Variants in SLC2A12 observed in about 807,000 individuals in gnomAD.
SLC2A12 encodes solute carrier family 2, facilitated glucose transporter member 12.
In SLC2A12, 23 loss-of-function variants were observed where a neutral mutation model predicts 41.8. The ratio of observed to expected loss-of-function variants is 0.55; its 90% CI spans 0.40 to 0.78. The LOEUF (loss-of-function observed/expected upper bound fraction) is 0.78. Ranked by LOEUF, SLC2A12 falls within the 30% of genes least tolerant of loss-of-function variation. The pLI is 0.00. For synonymous variants in SLC2A12, 295 were observed against 285.9 expected (o/e 1.03, Z -0.32); for missense variants, 654 against 745.6 (o/e 0.88, Z 1.43).
At chr6:134,047,602 A>C (rs542109534) in intron 1 of SLC2A12, among the ~76,000 whole-genome samples, 4 of 152,308 alleles carry the variant, frequency 2.6e-5, no homozygotes, top group African/African-American at 9.6e-5. Flanking sequence ...AGACCACTAA[A>C]GACCACCCTC....
At chr6:134,024,393 C>T (rs1777086555) in intron 2 of SLC2A12, among the ~76,000 whole-genome samples, 1 of 152,236 alleles carries the variant, frequency 6.6e-6, no homozygotes, top group African/African-American at 2.4e-5. Flanking sequence ...CATACTTCTT[C>T]ACCAGCTTCC....
At chr6:134,007,079 G>T in intron 2 of SLC2A12, 145 bp from the exon 3 acceptor site, 1 of 1,140,748 alleles carries the variant, frequency 8.8e-7, no homozygotes. Flanking sequence ...AGCAGAACAG[G>T]ACAGTAAAGG....
intron 1 of SLC2A12, among the ~76,000 whole-genome samples, chr6:134,047,133 A>G (rs890718994): frequency 3.3e-5 from 5 of 152,312 alleles, no homozygotes; most frequent in Non-Finnish European, 5.9e-5. Flanking sequence ...TTCCTTTCTC[A>G]TCACCATAAC....
At chr6:134,017,370 G>A (rs1776975558) in intron 2 of SLC2A12, among the ~76,000 whole-genome samples, 1 of 152,136 alleles carries the variant, frequency 6.6e-6, no homozygotes, top group Admixed American at 6.5e-5. Flanking sequence ...TCCCAGACTA[G>A]GGAGCTCCCC....
In SLC2A12 at chr6:134,016,285, A is replaced by AAAAT. The variant is rs545212628; in HGVS notation, c.1445-9355_1445-9352dup. On this transcript the variant is annotated intron_variant, in intron 2 of 4. Transcript: ENST00000275230. ...TCTCCTAGAAAAAATAACAAAAGAA[A>AAAAT]AAATAAATAAATAAATAAATAAATA... Among the ~76,000 whole-genome samples the AAAAT allele has an allele frequency of 1.4e-3, 217 of 152,008 alleles. 1 individual carries two copies. The East Asian group carries it at 0.017, about 12-fold the overall frequency.
intron 3 of SLC2A12, among the ~76,000 whole-genome samples, chr6:134,003,178 C>T (rs1337865341): frequency 3.3e-5 from 5 of 152,148 alleles, no homozygotes; most frequent in Non-Finnish European, 7.3e-5. Context: ...AACTACTTGT[C>T]GGTGAGTTGT....
At chr6:134,038,151 GT>G (rs1422485812) in intron 1 of SLC2A12, among the ~76,000 whole-genome samples, 4 of 151,966 alleles carry the variant, frequency 2.6e-5, no homozygotes, top group African/African-American at 9.7e-5. Context: ...TTCTTTGTTA[GT>G]TTTCCAACCC....
chr6:134,030,049 T>A (rs1193091647), intron 1 of SLC2A12, among the ~76,000 whole-genome samples: 3 of 152,298 alleles, frequency 2.0e-5, no homozygotes, highest in Middle Eastern at 3.4e-3. Flanking sequence ...AACAAGAACA[T>A]CATTTGGTTC....
At position 133,990,921 on chromosome 6, in the gene SLC2A12, C is replaced by T. The variant is rs749547271; in HGVS notation, c.*234G>A. The T allele has an allele frequency of 5.8e-4, 238 of 407,128 alleles. No homozygotes were observed. The highest frequency in any genetic ancestry group is 7.4e-4 in the Non-Finnish European group (173 of 233,750). The allele number at this position is 407,128 out of a possible 1,614,324, so 25.2% of individuals were successfully genotyped here. Reference sequence around the variant, plus strand: ...CCAGCCAGTAACTTTTTTTTTTTAACCTGATATCCTGCTCAGAAAAAGAGA... The same window carrying T: ...CCAGCCAGTAACTTTTTTTTTTTAATCTGATATCCTGCTCAGAAAAAGAGA... On this transcript the variant is annotated 3_prime_UTR_variant, in exon 5 of 5. Coordinates refer to ENST00000275230, the MANE Select transcript of SLC2A12 (RefSeq NM_145176.3).
intron 4 of SLC2A12, among the ~76,000 whole-genome samples, chr6:133,997,699 T>C (rs1776712878): frequency 6.6e-6 from 1 of 152,194 alleles, no homozygotes; most frequent in Non-Finnish European, 1.5e-5. Context: ...TATTGGGTAC[T>C]ATGTTCACTA....
Position 134,029,116 on chromosome 6 carries a change from G to A in SLC2A12, c.709C>T (p.Leu237Phe), listed in dbSNP as rs761305295. 56 of 1,614,000 alleles carry A rather than the reference G, an allele frequency of 3.5e-5. No individual in the cohort carries two copies. The highest frequency in any genetic ancestry group is 4.3e-5 in the Non-Finnish European group (51 of 1,180,048). ...KGQEGAASKVLGRLRALSDTT... is the reference protein window; with the variant it reads ...KGQEGAASKVFGRLRALSDTT... ...TCTGAGAGTGCTCTTAACCTTCCAA[G>A]AACCTTGCTAGCAGCTCCCTCTTGT... The change falls in exon 2 of 5, where the codon CTT (leucine) becomes TTT (phenylalanine). Residue 237 changes from leucine (L) to phenylalanine (F), a missense_variant. Physicochemically the swap from Leu to Phe is conservative, Grantham distance 22. Transcript: ENST00000275230.
intron 1 of SLC2A12, among the ~76,000 whole-genome samples, chr6:134,032,180 T>A (rs994233237): frequency 1.3e-5 from 2 of 151,620 alleles, no homozygotes; most frequent in African/African-American, 4.9e-5. Flanking sequence ...AGGATCCTAG[T>A]AGGCTATGGG....
chr6:134,029,018 A>T lies in SLC2A12; in HGVS notation c.807T>A (p.Phe269Leu), dbSNP rs758197189. The T allele has an allele frequency of 6.2e-7, 1 of 1,614,240 alleles. No homozygotes were observed. The highest frequency in any genetic ancestry group is 1.7e-5 in the Admixed American group (1 of 60,030). Residue 269 changes from phenylalanine (F) to leucine (L), a missense_variant, in exon 2 of 5, where the codon TTT (phenylalanine) becomes TTA (leucine). Phe to Leu is a conservative substitution (Grantham distance 22). Coordinates refer to ENST00000275230, the MANE Select transcript of SLC2A12 (RefSeq NM_145176.3). The part of the protein sequence containing the change: ...DEYQYSFWDL[F>L]RSKDNMRTRI... ...GGGTCCGCATGTTGTCTTTTGAACG[A>T]AACAGATCCCAAAAACTGTACTGAT...
In SLC2A12 at chr6:134,029,276, A is replaced by G. The variant is rs143753532; in HGVS notation, c.549T>C (p.Tyr183=). ...CATTGGCAAATGCGTAATTTGAAAT[A>G]TAGGCAGAAAGAATGCCGATGACAA... ...LMIVIGILSA[Y]ISNYAFANVF... Residue 183 remains tyrosine, a synonymous_variant, in exon 2 of 5, where the codon TAT becomes TAC. Transcript: ENST00000275230. 1 of 1,614,126 alleles carries G rather than the reference A, an allele frequency of 6.2e-7. No individual in the cohort carries two copies. The highest frequency in any genetic ancestry group is 8.5e-7 in the Non-Finnish European group (1 of 1,180,052).
chr6:134,006,174 C>CA (rs1222993191), intron 3 of SLC2A12, among the ~76,000 whole-genome samples: 1 of 70,172 alleles, frequency 1.4e-5, no homozygotes, highest in Non-Finnish European at 2.7e-5. Flanking sequence ...GAGAGACTAT[C>CA]GGAAAAAAAA....
chr6:133,991,539 A>C (rs1382481530), intron 4 of SLC2A12, among the ~76,000 whole-genome samples: 1 of 152,188 alleles, frequency 6.6e-6, no homozygotes, highest in African/African-American at 2.4e-5. Flanking sequence ...CCCAGCAGTC[A>C]GCTCTGTGGG....
chr6:134,019,980 GA>G (rs947802653), intron 2 of SLC2A12, among the ~76,000 whole-genome samples: 1 of 148,814 alleles, frequency 6.7e-6, no homozygotes, highest in Non-Finnish European at 1.5e-5. Flanking sequence ...AGCCGAGATC[GA>G]GCCACTGCAC....
chr6:134,010,109 G>A (rs546314971), intron 2 of SLC2A12, among the ~76,000 whole-genome samples: 2 of 152,228 alleles, frequency 1.3e-5, no homozygotes, highest in East Asian at 3.9e-4. Context: ...CATAAGTAAG[G>A]ACTGAAACTC....
At chr6:134,049,422 G>A (rs577554721) in intron 1 of SLC2A12, among the ~76,000 whole-genome samples, 5 of 152,342 alleles carry the variant, frequency 3.3e-5, no homozygotes, top group African/African-American at 9.6e-5. Flanking sequence ...TGAAGTAGAA[G>A]TCAGTATTGA....
Sources: gnomAD v4.1 joint callset for allele counts (sites outside exome capture counted in the v4.1 genomes callset) on GRCh38, gnomAD v4.1.1 for gene constraint, MANE v1.5 for transcripts, NCBI Gene and HGNC (gene_info 2026-07-23, HGNC 2026-07-21) for gene names.